UBE4B: variants seen among roughly 807,000 people sequenced by gnomAD.
The protein encoded by UBE4B is ubiquitination factor E4B.
A neutral mutation model predicts 148.1 loss-of-function variants in UBE4B; 27 were observed. That is an observed-to-expected ratio of 0.18 (90% CI 0.13 to 0.25). The LOEUF (loss-of-function observed/expected upper bound fraction) is 0.25. Among genes scored for constraint, UBE4B ranks in the 10% least tolerant of loss-of-function variants. The pLI, the probability that UBE4B is intolerant of heterozygous loss-of-function variation, is 1.00. For missense variants in UBE4B, 1,170 were observed against 1,662.4 expected (o/e 0.70, Z 5.15); for synonymous variants, 596 against 619.3 (o/e 0.96, Z 0.56).
chr1:10,033,585 G>C lies in UBE4B; in HGVS notation c.-86G>C. On this transcript the variant is annotated 5_prime_UTR_variant, in exon 1 of 28. Coordinates refer to ENST00000343090, the MANE Select transcript of UBE4B (RefSeq NM_001105562.3). ...ATTCGGGGGACCAGACAGCCTGATA[G>C]ACACCTTCCACTCTCCTTCCTCCCG... 7.1e-7 allele frequency: 1 copy of C among 1,417,358 alleles called. No homozygotes were observed. The highest frequency in any genetic ancestry group is 9.3e-7 in the Non-Finnish European group (1 of 1,072,142). The allele number at this position is 1,417,358 out of a possible 1,614,324, so 87.8% of individuals were successfully genotyped here. A position where few individuals can be genotyped will look rare whatever the true frequency, so the allele number is the denominator to read the frequency against.
intron 15 of UBE4B, among the ~76,000 whole-genome samples, chr1:10,133,448 T>C (rs1227200452): frequency 2.0e-5 from 3 of 152,212 alleles, no homozygotes; most frequent in Non-Finnish European, 4.4e-5. Context: ...TCAACCAATA[T>C]TAACTATCAT....
intron 25 of UBE4B, 60 bp from the exon 26 acceptor site, chr1:10,178,584 A>G: frequency 6.7e-7 from 1 of 1,500,978 alleles, no homozygotes; most frequent in Non-Finnish European, 8.9e-7. Flanking sequence ...TATTTTCTGC[A>G]GCTCGCTTTT....
At chr1:10,139,520 C>G (rs1429888302) in intron 17 of UBE4B, among the ~76,000 whole-genome samples, 1 of 152,024 alleles carries the variant, frequency 6.6e-6, no homozygotes, top group Non-Finnish European at 1.5e-5. Flanking sequence ...ATGAAGTTGT[C>G]AGGGCTTAAG....
chr1:10,095,504 C>G lies in UBE4B; in HGVS notation c.255C>G (p.Leu85=), dbSNP rs1235961051. The G allele has an allele frequency of 6.2e-7, 1 of 1,614,160 alleles. No homozygotes were observed. The highest frequency in any genetic ancestry group is 8.5e-7 in the Non-Finnish European group (1 of 1,180,024). ...RSQSSEGVSS[L]SSSPSNSLET... ...AGAGCAGTGAAGGAGTCAGTTCTCT[C>G]AGCAGCTCGCCCTCTAATAGCCTTG... Residue 85 remains leucine, a synonymous_variant, in exon 3 of 28, where the codon CTC becomes CTG. Transcript: ENST00000343090.
chr1:10,133,589 C>A (rs1057486590), intron 15 of UBE4B, among the ~76,000 whole-genome samples: 1 of 152,166 alleles, frequency 6.6e-6, no homozygotes, highest in East Asian at 1.9e-4. Context: ...AGTGGAGCAA[C>A]TTGTTTTGAT....
Position 10,171,147 on chromosome 1 carries a change from C to T in UBE4B, c.3343C>T (p.Pro1115Ser). The part of the protein sequence containing the change: ...QKPFLRPELG[P>S]RLAAMLNFNL... ...TCCTGTGATTTCCTAGGAGCTTGGA[C>T]CCCGATTGGCTGCAATGCTGAACTT... The change falls in exon 25 of 28, where the codon CCC becomes TCC. Residue 1115 changes from proline (P) to serine (S), a missense_variant. Physicochemically the swap from Pro to Ser is moderately conservative, Grantham distance 74 (BLOSUM62 -1). Around this residue, in one of 6 missense-constraint regions of UBE4B, gnomAD observed 348 missense variants for 627.2 expected, o/e 0.55. Transcript: ENST00000343090. 20 of 1,613,798 alleles carry T rather than the reference C, an allele frequency of 1.2e-5. No homozygotes were observed. Among genetic ancestry groups the T allele is most frequent in the Non-Finnish European group, 1.7e-5 (20 of 1,179,822 alleles).
At chr1:10,061,206 T>C (rs1314023138) in intron 1 of UBE4B, among the ~76,000 whole-genome samples, 1 of 152,174 alleles carries the variant, frequency 6.6e-6, no homozygotes, top group Non-Finnish European at 1.5e-5. Context: ...AAGGGAGCTA[T>C]CAGAAGAGAG....
chr1:10,062,669 TAGTG>T (rs763067895), intron 1 of UBE4B, among the ~76,000 whole-genome samples: 2 of 152,192 alleles, frequency 1.3e-5, no homozygotes, highest in African/African-American at 2.4e-5. Context: ...AAAATAATGA[TAGTG>T]AGGCCAGGTG....
intron 2 of UBE4B, among the ~76,000 whole-genome samples, chr1:10,088,985 A>G (rs1039984478): frequency 6.6e-6 from 1 of 152,080 alleles, no homozygotes; most frequent in Non-Finnish European, 1.5e-5. Flanking sequence ...AGCCCACTTT[A>G]TTTTTGTTTA....
intron 1 of UBE4B, among the ~76,000 whole-genome samples, chr1:10,051,231 C>A (rs759626831): frequency 6.6e-6 from 1 of 152,156 alleles, no homozygotes; most frequent in Non-Finnish European, 1.5e-5. Flanking sequence ...CTTAATCTTT[C>A]TGAGCCTCAG....
At chr1:10,175,326 A>T (rs954192549) in intron 25 of UBE4B, among the ~76,000 whole-genome samples, 3 of 152,194 alleles carry the variant, frequency 2.0e-5, no homozygotes, top group African/African-American at 7.2e-5. Context: ...TTTCCATTAA[A>T]AAAGAAAAAA....
chr1:10,034,314 A>G (rs536336110), intron 1 of UBE4B, among the ~76,000 whole-genome samples: 2 of 152,136 alleles, frequency 1.3e-5, no homozygotes, highest in Non-Finnish European at 2.9e-5. Flanking sequence ...ATCTTTTCCT[A>G]CTTCTTGAAT....
intron 10 of UBE4B, among the ~76,000 whole-genome samples, chr1:10,124,275 C>T (rs545937991): frequency 4.2e-4 from 64 of 152,260 alleles, no homozygotes; most frequent in African/African-American, 1.5e-3. Flanking sequence ...GATTCTCCTG[C>T]CTCAGCCTCC....
intron 4 of UBE4B, among the ~76,000 whole-genome samples, chr1:10,102,321 G>C (rs1307972883): frequency 7.1e-6 from 1 of 140,854 alleles, no homozygotes; most frequent in Admixed American, 7.4e-5. Context: ...ATTCAGAAAA[G>C]TAAATAGATA....
intron 1 of UBE4B, chr1:10,054,495 G>C: frequency 2.3e-6 from 1 of 426,562 alleles, no homozygotes; most frequent in Non-Finnish European, 4.5e-6. Flanking sequence ...CTTCCCATTG[G>C]TTCTCACACA....
chr1:10,116,534 C>T (rs1302608008), intron 7 of UBE4B, among the ~76,000 whole-genome samples: 1 of 152,150 alleles, frequency 6.6e-6, no homozygotes, highest in African/African-American at 2.4e-5. Context: ...TTACTTTTTC[C>T]TGTCGTAATT....
At chr1:10,091,311 A>T (rs943241679) in intron 2 of UBE4B, among the ~76,000 whole-genome samples, 13 of 152,198 alleles carry the variant, frequency 8.5e-5, no homozygotes, top group African/African-American at 3.1e-4. Flanking sequence ...GGGCATGAAG[A>T]CAAGGGAGTG....
chr1:10,124,624 G>C (rs1191433730), intron 10 of UBE4B, among the ~76,000 whole-genome samples: 2 of 152,196 alleles, frequency 1.3e-5, no homozygotes, highest in Non-Finnish European at 2.9e-5. Flanking sequence ...CTGTTGGACT[G>C]CAAAGCAGCA....
At chr1:10,147,141 T>C (rs1299135758) in intron 19 of UBE4B, 51 bp downstream of exon 19, 1 of 1,609,598 alleles carries the variant, frequency 6.2e-7, no homozygotes, top group Non-Finnish European at 8.5e-7. Context: ...TGGGCTCTGT[T>C]GTCTTTATTG....
Sources: allele counts gnomAD v4.1 joint callset (sites outside exome capture counted in the v4.1 genomes callset), GRCh38; gene constraint gnomAD v4.1.1; regional missense constraint gnomAD v4.1.1; transcripts MANE v1.5; gene names NCBI Gene and HGNC (gene_info 2026-07-23, HGNC 2026-07-21).